Variants in GRK5 observed in about 807,000 individuals in gnomAD.
GRK5 encodes the protein G protein-coupled receptor kinase 5.
In GRK5, 40 loss-of-function variants were observed where a neutral mutation model predicts 78.4. The ratio of observed to expected loss-of-function variants is 0.51; its 90% confidence interval spans 0.40 to 0.66. The LOEUF (loss-of-function observed/expected upper bound fraction) is 0.66, where lower values mean the gene tolerates loss of function less well. Among genes scored for constraint, GRK5 ranks in the 30% least tolerant of loss-of-function variants. The pLI, the probability that GRK5 is intolerant of heterozygous loss-of-function variation, is 0.00. For missense variants in GRK5, 598 were observed against 759.9 expected, an observed-to-expected ratio of 0.79 and a Z score of 2.50; for synonymous variants, 289 against 296.8, an observed-to-expected ratio of 0.97 and a Z score of 0.27.
intron 2 of GRK5, among the ~76,000 whole-genome samples, chr10:119,349,564 AG>A (rs1361377667): frequency 1.3e-5 from 2 of 151,974 alleles, no homozygotes; most frequent in Non-Finnish European, 2.9e-5. Flanking sequence ...GTGGGAGGGG[AG>A]GGCCTGTGCA....
chr10:119,249,272 A>C (rs4751705), intron 1 of GRK5, among the ~76,000 whole-genome samples: 29,832 of 147,522 alleles, frequency 0.2, 3,479 homozygotes, highest in African/African-American at 0.33. Context: ...ACTTCGTCTC[A>C]AAAAACAAAA....
intron 1 of GRK5, among the ~76,000 whole-genome samples, chr10:119,210,940 C>T (rs931835343): frequency 6.6e-6 from 1 of 151,874 alleles, no homozygotes; most frequent in Non-Finnish European, 1.5e-5. Flanking sequence ...AAAGTCTTAC[C>T]GTAATAAGAC....
At chr10:119,330,386 A>G (rs868595659) in intron 2 of GRK5, 1 of 124,654 alleles carries the variant, frequency 8.0e-6, no homozygotes, top group Non-Finnish European at 1.6e-5. Flanking sequence ...GGAGGGAGAG[A>G]GAGAGAGAGA....
chr10:119,424,886 G>T lies in GRK5; in HGVS notation c.441-107G>T, dbSNP rs1218262230. 1.3e-5 allele frequency: 10 copies of T among 785,830 alleles called. No individual in the cohort carries two copies. The East Asian group carries it at 2.5e-4, about 20-fold the overall frequency. The allele number at this position is 785,830 out of a possible 1,614,324, so 48.7% of individuals were successfully genotyped here. A position where few individuals can be genotyped will look rare whatever the true frequency, so the allele number is the denominator to read the frequency against. ...GGCCAGACGTGCTGCATCTGCATGG[G>T]TTGAGAGGCCCTGTTTACTTGCATT... On this transcript the variant is annotated intron_variant, in intron 5 of 15. Coordinates refer to ENST00000392870, the MANE Select transcript of GRK5 (RefSeq NM_005308.3).
chr10:119,447,742 T>C lies in GRK5; in HGVS notation c.1267-381T>C, dbSNP rs1206064537. Among the ~76,000 whole-genome samples, 13 of 152,152 alleles carry C rather than the reference T, an allele frequency of 8.5e-5. No homozygotes were observed. In the East Asian group the frequency reaches 2.5e-3, roughly 29 times the overall value. On this transcript the variant is annotated intron_variant, in intron 12 of 15. Coordinates refer to ENST00000392870, the MANE Select transcript of GRK5 (RefSeq NM_005308.3). ...CAGGAAGGGGCTTGCACCCAGGAGG[T>C]ACAACTCTGCAAATTAGCTGAGTAT... is the stretch of plus-strand genomic sequence containing the variant.
Position 119,394,463 on chromosome 10 carries a change from G to T in GRK5, c.262-2232G>T, listed in dbSNP as rs534652585. The stretch of plus-strand genomic sequence containing the variant: ...GTGTGTGTATCTGCTTAGTGGGCAC[G>T]TGTGTGGATGTGTGTGGGTGTGTGT... On this transcript the variant is annotated intron_variant, in intron 3 of 15. Transcript: ENST00000392870. Among the ~76,000 whole-genome samples the T allele has an allele frequency of 2.7e-4, 18 of 66,292 alleles. 3 individuals are homozygous for T. In the South Asian group the frequency reaches 9.3e-3, roughly 34 times the overall value. 43.5% of individuals were successfully genotyped at this position (66,292 alleles called of 152,430 possible).
chr10:119,250,407 T>C (rs1849180376), intron 1 of GRK5, among the ~76,000 whole-genome samples: 1 of 152,172 alleles, frequency 6.6e-6, no homozygotes, highest in Non-Finnish European at 1.5e-5. Flanking sequence ...CTTTTTCTTT[T>C]ATTTGAGGCA....
At chr10:119,304,286 T>C (rs1339224577) in intron 1 of GRK5, among the ~76,000 whole-genome samples, 6 of 17,862 alleles carry the variant, frequency 3.4e-4, no homozygotes, top group South Asian at 6.9e-3. Flanking sequence ...GTGAGCTGCT[T>C]TTTTTTTTTT....
chr10:119,255,561 TCA>T (rs1215857224), intron 1 of GRK5, among the ~76,000 whole-genome samples: 5 of 152,218 alleles, frequency 3.3e-5, no homozygotes, highest in Admixed American at 6.5e-5. Context: ...TGGCTCATTA[TCA>T]CAGAGTCATG....
intron 12 of GRK5, among the ~76,000 whole-genome samples, chr10:119,444,062 G>A (rs1853095282): frequency 6.6e-6 from 1 of 152,126 alleles, no homozygotes; most frequent in Non-Finnish European, 1.5e-5. Context: ...GCGGAGAAGA[G>A]ATGGTCTGAG....
At position 119,271,295 on chromosome 10, in the gene GRK5, G is replaced by C. The variant is rs1163417744; in HGVS notation, c.53-55221G>C. On this transcript the variant is annotated intron_variant, in intron 1 of 15. Transcript: ENST00000392870. This position sits in a 1 kb window ranked among gnomAD's most constrained non-coding sequence, Gnocchi z 4.1. ...TCTTTAGAGGCTCTCTCATCCCCTC[G>C]AGCTGCCAACACAATCAAGGGTCTG... Among the ~76,000 whole-genome samples, 1 of 152,220 alleles carries C rather than the reference G, an allele frequency of 6.6e-6. No individual in the cohort carries two copies. The highest frequency in any genetic ancestry group is 1.9e-4 in the East Asian group (1 of 5,172).
intron 1 of GRK5, among the ~76,000 whole-genome samples, chr10:119,273,265 T>C (rs997915492): frequency 6.6e-6 from 1 of 152,284 alleles, no homozygotes; most frequent in Non-Finnish European, 1.5e-5. Context: ...CACTGGCACC[T>C]GTTCTGAGGC....
At chr10:119,383,296 G>A (rs975551278) in intron 3 of GRK5, among the ~76,000 whole-genome samples, 1 of 152,200 alleles carries the variant, frequency 6.6e-6, no homozygotes, top group Non-Finnish European at 1.5e-5. Context: ...TTTTTGCAGG[G>A]TGGAGTGGGA....
intron 1 of GRK5, among the ~76,000 whole-genome samples, chr10:119,247,270 C>T (rs1849129151): frequency 6.6e-6 from 1 of 152,128 alleles, no homozygotes; most frequent in African/African-American, 2.4e-5. Flanking sequence ...TCATGTAAAA[C>T]AAACAAACAA....
chr10:119,357,888 C>T (rs1564903644), intron 2 of GRK5, among the ~76,000 whole-genome samples: 1 of 152,144 alleles, frequency 6.6e-6, no homozygotes, highest in African/African-American at 2.4e-5. Flanking sequence ...GATGCCTTGA[C>T]CCCACAGGGA....
At chr10:119,292,274 T>C (rs1250227741) in intron 1 of GRK5, among the ~76,000 whole-genome samples, 80 of 95,514 alleles carry the variant, frequency 8.4e-4, no homozygotes, top group East Asian at 1.1e-3. Flanking sequence ...TCCTCCTCCT[T>C]CTCCTCCTCT....
Position 119,342,015 on chromosome 10 carries a change from G to C in GRK5, c.148+15404G>C, listed in dbSNP as rs74340260. On this transcript the variant is annotated intron_variant, in intron 2 of 15. Coordinates refer to ENST00000392870, the MANE Select transcript of GRK5 (RefSeq NM_005308.3). ...TATCCGACCTCAATGGGAGGCGTGGGAGAGTTATGGGGAGTACATCCCACC... is the reference window on the plus strand; with the variant it reads ...TATCCGACCTCAATGGGAGGCGTGGCAGAGTTATGGGGAGTACATCCCACC... Among the ~76,000 whole-genome samples, 915 of 152,326 alleles carry C rather than the reference G, an allele frequency of 6.0e-3. 10 individuals carry two copies. Among genetic ancestry groups the C allele is most frequent in the African/African-American group, 0.021 (862 of 41,572 alleles).
At chr10:119,348,270 C>A (rs1387489821) in intron 2 of GRK5, among the ~76,000 whole-genome samples, 1 of 152,184 alleles carries the variant, frequency 6.6e-6, no homozygotes, top group Non-Finnish European at 1.5e-5. Flanking sequence ...CTGATGTCAT[C>A]GGGGGAGCTC....
chr10:119,322,213 A>G (rs1207326569), intron 1 of GRK5, among the ~76,000 whole-genome samples: 2 of 152,178 alleles, frequency 1.3e-5, no homozygotes, highest in African/African-American at 4.8e-5. Flanking sequence ...TTGGCCTCCC[A>G]AAGTGCTGGG....
Sources: allele counts gnomAD v4.1 joint callset (sites outside exome capture counted in the v4.1 genomes callset), GRCh38; gene constraint gnomAD v4.1.1; non-coding constraint Gnocchi (gnomAD v3.1); transcripts MANE v1.5; gene names NCBI Gene and HGNC (gene_info 2026-07-23, HGNC 2026-07-21).